The following THEMIS variants were observed in gnomAD, a reference collection of about 807,000 sequenced individuals.
THEMIS encodes the protein thymocyte selection associated, also known as protein THEMIS.
A neutral mutation model predicts 52.6 loss-of-function variants in THEMIS; 37 were observed. That is an observed-to-expected ratio of 0.70 (90% confidence interval 0.54 to 0.93). The LOEUF is 0.93. THEMIS is among the 40% of genes least tolerant of loss of function. The probability of loss-of-function intolerance (pLI) is 0.00; values close to 1 mark genes in which losing one functional copy is unlikely to be tolerated. For synonymous variants in THEMIS, 292 were observed against 272.7 expected, an observed-to-expected ratio of 1.07 and a Z score of -0.70; for missense variants, 808 against 763.1, an observed-to-expected ratio of 1.06 and a Z score of -0.69.
At chr6:127,710,339 T>C (rs1231233640) in intron 5 of THEMIS, among the ~76,000 whole-genome samples, 1 of 151,930 alleles carries the variant, frequency 6.6e-6, no homozygotes, top group Non-Finnish European at 1.5e-5. Context: ...ATGGGTAATG[T>C]AAGGTAGAAA....
chr6:127,744,438 G>A (rs566012045), intron 4 of THEMIS, among the ~76,000 whole-genome samples: 3 of 151,982 alleles, frequency 2.0e-5, no homozygotes, highest in Non-Finnish European at 2.9e-5. Context: ...TATGTCCATC[G>A]ACAGAAGAAT....
chr6:127,839,311 C>A (rs1778968309), intron 2 of THEMIS, among the ~76,000 whole-genome samples: 1 of 151,794 alleles, frequency 6.6e-6, no homozygotes, highest in East Asian at 1.9e-4. Context: ...CCTATATATT[C>A]TAAGTGTTTA....
In THEMIS at chr6:127,709,052, G is replaced by T. The variant is rs1421064545; in HGVS notation, c.*933C>A. 1 of 151,872 alleles carries T rather than the reference G, an allele frequency of 6.6e-6. No homozygotes were observed. The highest frequency in any genetic ancestry group is 1.5e-5 in the Non-Finnish European group (1 of 67,924). The allele number at this position is 151,872 out of a possible 1,614,324, so 9.4% of individuals were successfully genotyped here. ...TTCCTGTATACTTAATACATAATAAGATAAATTATTAAAATGTGAGAGCCC... is the reference window on the plus strand; with the variant it reads ...TTCCTGTATACTTAATACATAATAATATAAATTATTAAAATGTGAGAGCCC... On this transcript the variant is annotated 3_prime_UTR_variant, in exon 6 of 6. Transcript: ENST00000368248.
rs1246952776 is a variant in THEMIS at position 127,815,637 on chromosome 6, G to A, written c.710-1706C>T. On this transcript the variant is annotated intron_variant, in intron 3 of 5. Coordinates refer to ENST00000368248, the MANE Select transcript of THEMIS (RefSeq NM_001010923.3). Reference sequence around the variant, plus strand: ...AGCACTTCTTACATTAATAAGTTATGTTATAAAGTTTAGCATGCACTAACT... The same window carrying A: ...AGCACTTCTTACATTAATAAGTTATATTATAAAGTTTAGCATGCACTAACT... 3.3e-5 allele frequency among the ~76,000 whole-genome samples: 5 copies of A among 152,156 alleles called. No homozygotes were observed. The South Asian group carries it at 6.2e-4, about 19-fold the overall frequency.
At chr6:127,860,244 T>C (rs1779751460) in intron 1 of THEMIS, among the ~76,000 whole-genome samples, 1 of 152,256 alleles carries the variant, frequency 6.6e-6, no homozygotes, top group Non-Finnish European at 1.5e-5. Context: ...GTGAGCATGA[T>C]ATTTTAATGC....
chr6:127,744,842 T>TACACAC (rs112041681), intron 4 of THEMIS, among the ~76,000 whole-genome samples: 3 of 149,292 alleles, frequency 2.0e-5, no homozygotes, highest in South Asian at 4.2e-4. Context: ...TACACACACA[T>TACACAC]ACACACACAC....
At chr6:127,914,973 T>C (rs1188427338) in intron 1 of THEMIS, among the ~76,000 whole-genome samples, 1 of 152,198 alleles carries the variant, frequency 6.6e-6, no homozygotes, top group Non-Finnish European at 1.5e-5. Flanking sequence ...TACTAGTGAA[T>C]CTGAAAAGCT....
intron 4 of THEMIS, among the ~76,000 whole-genome samples, chr6:127,787,483 G>A (rs929112483): frequency 1.9e-4 from 29 of 152,114 alleles, no homozygotes; most frequent in African/African-American, 6.3e-4. Flanking sequence ...ATCTTGATAT[G>A]TTTCAAAGAA....
downstream of THEMIS, among the ~76,000 whole-genome samples, chr6:127,704,331 G>C (rs748351597): frequency 1.3e-5 from 2 of 152,124 alleles, no homozygotes; most frequent in African/African-American, 2.4e-5. Flanking sequence ...GATATGGGAG[G>C]TCAAGTCTGT....
At chr6:127,853,072 T>C (rs918593401) in intron 2 of THEMIS, among the ~76,000 whole-genome samples, 1 of 151,666 alleles carries the variant, frequency 6.6e-6, no homozygotes, top group Non-Finnish European at 1.5e-5. Flanking sequence ...ACTTACTAAA[T>C]ATTTATTATG....
intron 2 of THEMIS, among the ~76,000 whole-genome samples, chr6:127,841,014 C>G (rs1779030442): frequency 2.0e-5 from 3 of 152,084 alleles, no homozygotes. Flanking sequence ...ATGACACTAT[C>G]AAAGTGGATA....
rs1225003741 is a variant in THEMIS, at chr6:127,813,861, A to T, written c.780T>A (p.Asp260Glu). 6.2e-7 allele frequency: 1 copy of T among 1,611,546 alleles called. No individual in the cohort carries two copies. Among genetic ancestry groups the T allele is most frequent in the East Asian group, 2.2e-5 (1 of 44,866 alleles). Residue 260 changes from aspartate to glutamate, a missense_variant, in exon 4 of 6, where the codon GAT (aspartate) becomes GAA (glutamate). Asp to Glu is a conservative substitution (Grantham distance 45). Transcript: ENST00000368248. ...VEVKDITDSY[D>E]ANWFLQLLST... ...ATAACAGCTGAAGAAACCAGTTAGC[A>T]TCGTAAGAATCAGTGATGTCTTTGA...
chr6:127,696,761 T>C, the THEMIS span, among the ~76,000 whole-genome samples: 37 of 152,188 alleles, frequency 2.4e-4, no homozygotes, highest in African/African-American at 7.7e-4. Flanking sequence ...CTGCCCTCCA[T>C]AGATTGTAGA....
chr6:127,774,993 A>G lies in THEMIS; in HGVS notation c.1758+37890T>C, dbSNP rs76602023. Among the ~76,000 whole-genome samples the G allele has an allele frequency of 3.4e-3, 518 of 152,306 alleles. 3 individuals are homozygous for G. The highest frequency in any genetic ancestry group is 0.012 in the African/African-American group (480 of 41,566). ...ACAATACATACCTCCACTTAAAAAG[A>G]GGCAGGACAATGTGAGTGACATTGT... On this transcript the variant is annotated intron_variant, in intron 4 of 5. Coordinates refer to ENST00000368248, the MANE Select transcript of THEMIS (RefSeq NM_001010923.3).
intron 4 of THEMIS, among the ~76,000 whole-genome samples, chr6:127,771,129 G>A (rs1562246798): frequency 6.6e-6 from 1 of 151,924 alleles, no homozygotes; most frequent in Non-Finnish European, 1.5e-5. Flanking sequence ...TCTAATAACA[G>A]ACAAAGAACC....
intron 5 of THEMIS, among the ~76,000 whole-genome samples, chr6:127,712,357 T>G (rs1278350659): frequency 6.6e-6 from 1 of 151,942 alleles, no homozygotes; most frequent in Admixed American, 6.6e-5. Flanking sequence ...TATGCTCTGG[T>G]GGCAAGCTCT....
At chr6:127,894,281 A>G (rs1206591814) in intron 1 of THEMIS, among the ~76,000 whole-genome samples, 3 of 152,104 alleles carry the variant, frequency 2.0e-5, no homozygotes, top group East Asian at 3.9e-4. Flanking sequence ...AACATGTTTC[A>G]TACCACAAAG....
rs768055257 is a variant in THEMIS at position 127,829,553 on chromosome 6, G to C, written c.632C>G (p.Ser211Ter). 1.2e-6 allele frequency: 2 copies of C among 1,613,966 alleles called. No homozygotes were observed. The highest frequency in any genetic ancestry group is 1.7e-6 in the Non-Finnish European group (2 of 1,179,928). Residue 211 changes from serine (S) to a stop codon, truncating the protein, a stop_gained, in exon 3 of 6, where the codon TCA becomes TGA. Transcript: ENST00000368248. LOFTEE classifies it high-confidence loss of function. ...AAAGTCTTTAGGAAATGGATTCGTTGAGTCCCACTTATTTGAAAAATCTGT... is the reference window on the plus strand; with the variant it reads ...AAAGTCTTTAGGAAATGGATTCGTTCAGTCCCACTTATTTGAAAAATCTGT... ...NLTDFSNKWD[S>*]TNPFPKDFYG...
chr6:127,701,395 T>C, the THEMIS span, among the ~76,000 whole-genome samples: 1 of 152,138 alleles, frequency 6.6e-6, no homozygotes, highest in Non-Finnish European at 1.5e-5. Flanking sequence ...GCTACATCAG[T>C]TTCCATCGCG....
Sources: gnomAD v4.1 joint callset for allele counts (sites outside exome capture counted in the v4.1 genomes callset) on GRCh38, gnomAD v4.1.1 for gene constraint, MANE v1.5 for transcripts, NCBI Gene and HGNC (gene_info 2026-07-23, HGNC 2026-07-21) for gene names.